WWC2: variants seen among roughly 807,000 people sequenced by gnomAD.
WWC2 encodes WW and C2 domain containing 2.
Under a neutral mutation model 138.5 loss-of-function variants are expected in WWC2, and 101 were observed. The observed-to-expected ratio is 0.73, with a 90% CI of 0.62 to 0.86. The LOEUF (loss-of-function observed/expected upper bound fraction) is 0.86. Ranked by LOEUF, WWC2 falls within the 40% of genes least tolerant of loss-of-function variation. WWC2 has a pLI of 0.00. For missense variants in WWC2, 1,420 were observed against 1,419.4 expected (o/e 1.00, Z -0.01); for synonymous variants, 558 against 538.4 (o/e 1.04, Z -0.50).
chr4:183,187,554 AAATAATAAT>A (rs371158154), intron 1 of WWC2, among the ~76,000 whole-genome samples: 10 of 127,622 alleles, frequency 7.8e-5, no homozygotes, highest in Admixed American at 4.0e-4. Flanking sequence ...CTCCGTCTCA[AAATAATAAT>A]AATAATAATA....
chr4:183,243,257 A>G (rs904512282), intron 5 of WWC2, among the ~76,000 whole-genome samples: 9 of 142,722 alleles, frequency 6.3e-5, no homozygotes, highest in Non-Finnish European at 1.3e-4. Flanking sequence ...AAGACTTTAC[A>G]CAAACAGGAA....
At chr4:183,209,480 G>T (rs552763327) in intron 4 of WWC2, among the ~76,000 whole-genome samples, 8 of 152,266 alleles carry the variant, frequency 5.3e-5, no homozygotes, top group African/African-American at 1.9e-4. Context: ...CAAGTTATCT[G>T]CCCGCCTTAG....
At chr4:183,237,648 G>A (rs1374557363) in intron 4 of WWC2, among the ~76,000 whole-genome samples, 6 of 151,972 alleles carry the variant, frequency 3.9e-5, no homozygotes, top group Non-Finnish European at 7.4e-5. Flanking sequence ...ATAATTATTT[G>A]TATTTCTTTT....
intron 1 of WWC2, among the ~76,000 whole-genome samples, chr4:183,134,190 TTTA>T (rs1733039146): frequency 2.0e-5 from 3 of 152,260 alleles, no homozygotes; most frequent in African/African-American, 4.8e-5. Flanking sequence ...AGATGTTAGT[TTTA>T]TTATTCTTTC....
chr4:183,167,513 G>A (rs1384727433), intron 1 of WWC2, among the ~76,000 whole-genome samples: 4 of 152,060 alleles, frequency 2.6e-5, no homozygotes, highest in South Asian at 2.1e-4. Context: ...AGTTTACTCC[G>A]GATGTCCTGA....
At chr4:183,119,669 G>A (rs1732537903) in intron 1 of WWC2, among the ~76,000 whole-genome samples, 1 of 151,776 alleles carries the variant, frequency 6.6e-6, no homozygotes, top group Admixed American at 6.6e-5. Flanking sequence ...ACTTTTTTTT[G>A]GTTAAGATGT....
At chr4:183,252,348 T>G (rs1479206449) in intron 8 of WWC2, among the ~76,000 whole-genome samples, 1 of 152,216 alleles carries the variant, frequency 6.6e-6, no homozygotes, top group Non-Finnish European at 1.5e-5. Context: ...ACTGAGATCT[T>G]GTCGTTATGG....
intron 4 of WWC2, among the ~76,000 whole-genome samples, chr4:183,233,084 G>T (rs1279001406): frequency 6.7e-6 from 1 of 148,336 alleles, no homozygotes; most frequent in Non-Finnish European, 1.5e-5. Flanking sequence ...TTGGGTATAT[G>T]CCTTGAAGTA....
At chr4:183,169,010 G>A (rs574206606) in intron 1 of WWC2, among the ~76,000 whole-genome samples, 40 of 151,774 alleles carry the variant, frequency 2.6e-4, no homozygotes, top group African/African-American at 5.6e-4. Flanking sequence ...CACCACGCCC[G>A]GCTAATTTTC....
chr4:183,160,745 G>A (rs1016643294), intron 1 of WWC2, among the ~76,000 whole-genome samples: 2 of 152,184 alleles, frequency 1.3e-5, no homozygotes, highest in African/African-American at 4.8e-5. Context: ...TCAGAAGTTG[G>A]CGTGAGTTGA....
At position 183,284,254 on chromosome 4, in the gene WWC2, C is replaced by A. The variant is rs770926439; in HGVS notation, c.2912C>A (p.Ala971Asp). 1.2e-6 allele frequency: 2 copies of A among 1,613,950 alleles called. No homozygotes were observed. Among genetic ancestry groups the A allele is most frequent in the Non-Finnish European group, 1.7e-6 (2 of 1,179,860 alleles). The change falls in exon 19 of 23, where the codon GCC becomes GAC. Residue 971 changes from alanine to aspartate, a missense_variant. Transcript: ENST00000403733. ...LVDKETNTDE[A>D]ANDNMAVRPK... Reference sequence around the variant, plus strand: ...GACAAAGAGACAAACACTGATGAAGCCGCTAATGACAATATGGCAGTTCGC... The same window carrying A: ...GACAAAGAGACAAACACTGATGAAGACGCTAATGACAATATGGCAGTTCGC...
chr4:183,153,203 T>A (rs58271130), intron 1 of WWC2, among the ~76,000 whole-genome samples: 2,680 of 152,260 alleles, frequency 0.018, 79 homozygotes, highest in African/African-American at 0.06. Flanking sequence ...CTGCACATGG[T>A]CTTATATGTT....
intron 1 of WWC2, among the ~76,000 whole-genome samples, chr4:183,101,646 C>T (rs1327187557): frequency 6.6e-6 from 1 of 152,134 alleles, no homozygotes; most frequent in Admixed American, 6.5e-5. Flanking sequence ...CTAAATCTTA[C>T]TAAATAGAGT....
chr4:183,204,797 G>A (rs1442795956), intron 2 of WWC2, among the ~76,000 whole-genome samples: 1 of 152,108 alleles, frequency 6.6e-6, no homozygotes, highest in African/African-American at 2.4e-5. Context: ...CTGGGCCCAG[G>A]CAATCACTTT....
chr4:183,282,963 AG>A, intron 18 of WWC2, 57 bp downstream of exon 18: 1 of 1,458,444 alleles, frequency 6.9e-7, no homozygotes, highest in Non-Finnish European at 9.1e-7. Flanking sequence ...CATGTGGACT[AG>A]GGAGATGCTT....
chr4:183,179,160 T>C (rs1178999462), intron 1 of WWC2, among the ~76,000 whole-genome samples: 2 of 152,168 alleles, frequency 1.3e-5, no homozygotes, highest in African/African-American at 4.8e-5. Flanking sequence ...GTGCACAGTA[T>C]ATTATATTTT....
intron 1 of WWC2, among the ~76,000 whole-genome samples, chr4:183,119,490 C>T (rs1732531193): frequency 6.6e-6 from 1 of 152,178 alleles, no homozygotes; most frequent in Non-Finnish European, 1.5e-5. Context: ...GAAACCATGA[C>T]TTGCTTCTTA....
At chr4:183,227,547 TAAAA>T (rs949063290) in intron 4 of WWC2, among the ~76,000 whole-genome samples, 2 of 151,454 alleles carry the variant, frequency 1.3e-5, no homozygotes, top group Admixed American at 6.6e-5. Context: ...TTTTAAGAAA[TAAAA>T]AAAGAGATTG....
chr4:183,264,970 C>T lies in WWC2; in HGVS notation c.1910-8C>T. The T allele has an allele frequency of 6.2e-7, 1 of 1,610,554 alleles. No individual in the cohort carries two copies. Among genetic ancestry groups the T allele is most frequent in the Non-Finnish European group, 8.5e-7 (1 of 1,178,188 alleles). ...TTCTGATTAGTGCTCTCACCCTCCC[C>T]TCCATAGATGTGGAAAAATCATTAC... On this transcript the variant is annotated splice_polypyrimidine_tract_variant and splice_region_variant and intron_variant, in intron 11 of 22. Transcript: ENST00000403733.
Sources: allele counts gnomAD v4.1 joint callset (sites outside exome capture counted in the v4.1 genomes callset), GRCh38; gene constraint gnomAD v4.1.1; transcripts MANE v1.5; gene names NCBI Gene and HGNC (gene_info 2026-07-23, HGNC 2026-07-21).